The following ZNF395 variants were observed in gnomAD, a reference collection of about 807,000 sequenced individuals.
The protein encoded by ZNF395 is zinc finger protein 395.
A neutral mutation model predicts 57.7 loss-of-function variants in ZNF395; 20 were observed. The observed-to-expected ratio is 0.35, with a 90% confidence interval of 0.24 to 0.50. The LOEUF (loss-of-function observed/expected upper bound fraction) is 0.50, where lower values mean the gene tolerates loss of function less well. Among genes scored for constraint, ZNF395 ranks in the 20% least tolerant of loss-of-function variants. ZNF395 has a pLI of 0.97. For missense variants in ZNF395, 606 were observed against 671.2 expected (o/e 0.90, Z 1.07); for synonymous variants, 295 against 275.9 (o/e 1.07, Z -0.69).
chr8:28,349,370 G>A (rs1304064905), intron 8 of ZNF395, 142 bp from the exon 9 acceptor site: 3 of 544,836 alleles, frequency 5.5e-6, no homozygotes, highest in Non-Finnish European at 9.1e-6. Context: ...CCAGCCGAGG[G>A]GAGCTCTTGG....
chr8:28,377,173 G>A (rs1802051699), intron 1 of ZNF395, among the ~76,000 whole-genome samples: 1 of 152,174 alleles, frequency 6.6e-6, no homozygotes, highest in African/African-American at 2.4e-5. Context: ...ATATATTTCA[G>A]TGAAAGTTAA....
chr8:28,373,412 T>C (rs1801999877), intron 1 of ZNF395, among the ~76,000 whole-genome samples: 1 of 152,252 alleles, frequency 6.6e-6, no homozygotes, highest in Admixed American at 6.5e-5. Flanking sequence ...TCTTCTGTAA[T>C]TAACATAAAC....
At chr8:28,374,043 T>G (rs557986030) in intron 1 of ZNF395, among the ~76,000 whole-genome samples, 1 of 152,218 alleles carries the variant, frequency 6.6e-6, no homozygotes, top group East Asian at 1.9e-4. Flanking sequence ...GGTATCAGCG[T>G]TTTTAACAGT....
chr8:28,361,178 A>G lies in ZNF395; in HGVS notation c.-54T>C. 3 of 1,604,750 alleles carry G rather than the reference A, an allele frequency of 1.9e-6. No individual in the cohort carries two copies. The highest frequency in any genetic ancestry group is 2.5e-6 in the Non-Finnish European group (3 of 1,179,826). On this transcript the variant is annotated 5_prime_UTR_variant, in exon 2 of 10. It removes an upstream start codon present in the reference 5' UTR. Coordinates refer to ENST00000344423, the MANE Select transcript of ZNF395 (RefSeq NM_018660.3). ...GAAGGGGACACTGAAGCCTCTGCCC[A>G]TCACCTGGGGGAATCAGGAAGCTTT...
At position 28,351,492 on chromosome 8, in the gene ZNF395, T is replaced by C; in HGVS notation, c.1233+3A>G. Reference sequence around the variant, plus strand: ...TGAGCCTCCAGCGAGCCCCGCCCCATACCTGGTATGCATGATCTGCCTGAA... The same window carrying C: ...TGAGCCTCCAGCGAGCCCCGCCCCACACCTGGTATGCATGATCTGCCTGAA... On this transcript the variant is annotated splice_donor_region_variant and intron_variant, in intron 7 of 9. Coordinates refer to ENST00000344423, the MANE Select transcript of ZNF395 (RefSeq NM_018660.3). The C allele has an allele frequency of 1.9e-6, 3 of 1,593,196 alleles. No individual in the cohort carries two copies. The highest frequency in any genetic ancestry group is 1.3e-5 in the African/African-American group (1 of 74,462).
chr8:28,351,421 C>A (rs542024215), intron 7 of ZNF395, 74 bp downstream of exon 7: 62 of 1,482,298 alleles, frequency 4.2e-5, no homozygotes, highest in African/African-American at 5.6e-5. Context: ...TCAGGGTGGT[C>A]GGTAGCCTGT....
At chr8:28,377,044 A>C (rs1802050331) in intron 1 of ZNF395, among the ~76,000 whole-genome samples, 1 of 152,246 alleles carries the variant, frequency 6.6e-6, no homozygotes, top group African/African-American at 2.4e-5. Context: ...ACTTTTGCTA[A>C]GTGATTTAGT....
chr8:28,380,797 G>A (rs1272572352), intron 1 of ZNF395, among the ~76,000 whole-genome samples: 1 of 152,208 alleles, frequency 6.6e-6, no homozygotes, highest in African/African-American at 2.4e-5. Flanking sequence ...GCATCCGATA[G>A]CCACACATTG....
At chr8:28,367,463 C>T (rs1246172954) in intron 1 of ZNF395, among the ~76,000 whole-genome samples, 1 of 152,200 alleles carries the variant, frequency 6.6e-6, no homozygotes, top group Non-Finnish European at 1.5e-5. Flanking sequence ...AAATAATAAA[C>T]GATCCTGATC....
At chr8:28,360,191 A>G (rs1801831551) in intron 2 of ZNF395, among the ~76,000 whole-genome samples, 1 of 152,158 alleles carries the variant, frequency 6.6e-6, no homozygotes, top group Admixed American at 6.5e-5. Flanking sequence ...CCTGCACTCA[A>G]AGGATGCTGA....
intron 7 of ZNF395, among the ~76,000 whole-genome samples, chr8:28,350,481 G>A (rs1011097126): frequency 1.3e-5 from 2 of 152,172 alleles, no homozygotes; most frequent in African/African-American, 4.8e-5. Context: ...GCCATGGCAC[G>A]TGCCAAAAGA....
In ZNF395 at chr8:28,351,699, G is replaced by C; in HGVS notation, c.1029C>G (p.Thr343=). Residue 343 remains threonine, a synonymous_variant, in exon 7 of 10, where the codon ACC becomes ACG. Coordinates refer to ENST00000344423, the MANE Select transcript of ZNF395 (RefSeq NM_018660.3). The stretch of plus-strand genomic sequence containing the variant: ...CGGAGGTGGGAGTCCCAGGGACTGG[G>C]GTGCCTGCGGCAGCAGCAGCAGCAG... ...AAAAAAAAAG[T]PVPGTPTSEP... is the part of the protein sequence containing the mutation. 6.2e-7 allele frequency: 1 copy of C among 1,611,164 alleles called. No individual in the cohort carries two copies. The highest frequency in any genetic ancestry group is 8.5e-7 in the Non-Finnish European group (1 of 1,179,916).
intron 4 of ZNF395, 50 bp from the exon 5 acceptor site, chr8:28,353,458 G>T (rs911813169): frequency 3.6e-6 from 5 of 1,389,646 alleles, no homozygotes; most frequent in Non-Finnish European, 4.8e-6. Context: ...GTGTCCCTGG[G>T]CAAACTCTCC....
chr8:28,375,823 A>T (rs1344220453), intron 1 of ZNF395, among the ~76,000 whole-genome samples: 1 of 152,156 alleles, frequency 6.6e-6, no homozygotes, highest in Non-Finnish European at 1.5e-5. Context: ...AGAGCAATTC[A>T]TTTTCAGCAG....
At position 28,353,299 on chromosome 8, in the gene ZNF395, C is replaced by T. The variant is rs1292556188; in HGVS notation, c.693G>A (p.Ser231=). ...WSGSSGVSTP[S]PPHPQASPKY... ...TGGGGCTGGCCTGGGGGTGGGGGGGCGAGGGGGTGGAGACACCACTGCTCC... is the reference window on the plus strand; with the variant it reads ...TGGGGCTGGCCTGGGGGTGGGGGGGTGAGGGGGTGGAGACACCACTGCTCC... Residue 231 remains serine (S), a synonymous_variant, in exon 5 of 10, where the codon TCG becomes TCA. Coordinates refer to ENST00000344423, the MANE Select transcript of ZNF395 (RefSeq NM_018660.3). The T allele has an allele frequency of 2.0e-6, 3 of 1,537,216 alleles. No individual in the cohort carries two copies. The highest frequency in any genetic ancestry group is 1.2e-5 in the South Asian group (1 of 82,860).
At chr8:28,367,291 A>G (rs1313531515) in intron 1 of ZNF395, among the ~76,000 whole-genome samples, 10 of 152,194 alleles carry the variant, frequency 6.6e-5, no homozygotes, top group Non-Finnish European at 1.0e-4. Context: ...GGCATACCCT[A>G]TAACTGAGCA....
rs1266284868 is a variant in ZNF395 at position 28,359,635 on chromosome 8, G to A, written c.430C>T (p.Leu144=). Residue 144 remains leucine (L), a synonymous_variant, in exon 3 of 10, where the codon CTG becomes TTG. Coordinates refer to ENST00000344423, the MANE Select transcript of ZNF395 (RefSeq NM_018660.3). This position sits in a 1 kb window ranked among gnomAD's most constrained non-coding sequence, Gnocchi z 4.7. The part of the protein sequence containing the change: ...APPLEPGAQA[L]AYRPVSRNID... ...TTCCTGGAGACGGGCCTGTAGGCCA[G>A]GGCCTGGGCTCCGGGCTCCAGGGGT... The A allele has an allele frequency of 1.2e-6, 2 of 1,611,800 alleles. No homozygotes were observed. The highest frequency in any genetic ancestry group is 8.5e-7 in the Non-Finnish European group (1 of 1,178,448).
chr8:28,347,310 C>G lies in ZNF395; in HGVS notation c.*1409G>C, dbSNP rs1283990216. 1 of 152,286 alleles carries G rather than the reference C, an allele frequency of 6.6e-6. No individual in the cohort carries two copies. Among genetic ancestry groups the G allele is most frequent in the African/African-American group, 2.4e-5 (1 of 41,442 alleles). The allele number at this position is 152,286 out of a possible 1,614,324, so 9.4% of individuals were successfully genotyped here. On this transcript the variant is annotated 3_prime_UTR_variant, in exon 10 of 10. Transcript: ENST00000344423. ...GGGCCAGGACTTGTACCCGAGGCAGCTGGGCAGTGGGCAGTCACATTCCAG... is the reference window on the plus strand; with the variant it reads ...GGGCCAGGACTTGTACCCGAGGCAGGTGGGCAGTGGGCAGTCACATTCCAG...
chr8:28,370,355 C>T (rs907603446), intron 1 of ZNF395, among the ~76,000 whole-genome samples: 1 of 152,174 alleles, frequency 6.6e-6, no homozygotes, highest in Non-Finnish European at 1.5e-5. Flanking sequence ...AGGAGGGGCT[C>T]GCCCAGGGCT....
Sources: allele counts gnomAD v4.1 joint callset (sites outside exome capture counted in the v4.1 genomes callset), GRCh38; gene constraint gnomAD v4.1.1; non-coding constraint Gnocchi (gnomAD v3.1); transcripts MANE v1.5; gene names NCBI Gene and HGNC (gene_info 2026-07-23, HGNC 2026-07-21).